The following SLC12A7 variants were observed in gnomAD, a reference collection of about 807,000 sequenced individuals.
The protein encoded by SLC12A7 is solute carrier family 12 member 7, also known as K-Cl cotransporter 4.
Under a neutral mutation model 120.6 loss-of-function variants are expected in SLC12A7, and 100 were observed. The observed-to-expected ratio is 0.83, with a 90% confidence interval of 0.71 to 0.98. The LOEUF is 0.98. Ranked by LOEUF, SLC12A7 falls within the 50% of genes least tolerant of loss-of-function variation. SLC12A7 has a pLI of 0.00. For missense variants in SLC12A7, 1,373 were observed against 1,548.1 expected (o/e 0.89, Z 1.90); for synonymous variants, 760 against 678.0 (o/e 1.12, Z -1.88).
rs865916173 is a variant in SLC12A7, at chr5:1,112,055, C to T, written c.-64G>A. The T allele has an allele frequency of 2.4e-5, 29 of 1,207,730 alleles. No homozygotes were observed. In the African/African-American group the frequency reaches 3.6e-4, roughly 15 times the overall value. 74.8% of individuals were successfully genotyped at this position (1,207,730 alleles called of 1,614,324 possible). A position where few individuals can be genotyped will look rare whatever the true frequency, so the allele number is the denominator to read the frequency against. ...CGCGCTGCGCCGCTCCCGCCGACGC[C>T]ACGGGACTTGGAGGCAGGGGCGGGG... On this transcript the variant is annotated 5_prime_UTR_variant, in exon 1 of 24. Transcript: ENST00000264930.
In SLC12A7 at chr5:1,078,009, T is replaced by TGCAGGCAG. The variant is rs200032397; in HGVS notation, c.1455-10_1455-3dup. Reference sequence around the variant, plus strand: ...TTCCCCTGCAGGGCCTCCCCGAACCTGCAGGCAGGCGGGCAGGCGGGCGGG... The same window carrying TGCAGGCAG: ...TTCCCCTGCAGGGCCTCCCCGAACCTGCAGGCAGGCAGGCAGGCGGGCAGGCGGGCGGG... On this transcript the variant is annotated splice_polypyrimidine_tract_variant and splice_region_variant and intron_variant, in intron 11 of 23. Coordinates refer to ENST00000264930, the MANE Select transcript of SLC12A7 (RefSeq NM_006598.3). The TGCAGGCAG allele has an allele frequency of 1.2e-5, 18 of 1,557,494 alleles. No homozygotes were observed. The highest frequency in any genetic ancestry group is 4.8e-5 in the East Asian group (2 of 41,586).
chr5:1,112,019 C>G lies in SLC12A7; in HGVS notation c.-28G>C, dbSNP rs747275138. The G allele has an allele frequency of 8.1e-7, 1 of 1,240,252 alleles. No homozygotes were observed. Among genetic ancestry groups the G allele is most frequent in the Non-Finnish European group, 1.0e-6 (1 of 988,766 alleles). 76.8% of individuals were successfully genotyped at this position (1,240,252 alleles called of 1,614,324 possible). The stretch of plus-strand genomic sequence containing the variant: ...CCGCCTGCAGCCGACAGTCCCCGTC[C>G]CGGCCCGGCCCGCGCTGCGCCGCTC... On this transcript the variant is annotated 5_prime_UTR_variant, in exon 1 of 24. Coordinates refer to ENST00000264930, the MANE Select transcript of SLC12A7 (RefSeq NM_006598.3).
At chr5:1,150,165 A>C in the SLC12A7 span, among the ~76,000 whole-genome samples, 1 of 152,234 alleles carries the variant, frequency 6.6e-6, no homozygotes, top group Non-Finnish European at 1.5e-5. Flanking sequence ...TGAACCCCTC[A>C]TCAGCTCTAT....
chr5:1,069,734 C>T (rs140701756), intron 17 of SLC12A7, among the ~76,000 whole-genome samples: 68 of 152,280 alleles, frequency 4.5e-4, no homozygotes, highest in Middle Eastern at 3.4e-3. Context: ...CGTGACGTGA[C>T]GTGACGTGAT....
At chr5:1,131,682 AC>A in the SLC12A7 span, among the ~76,000 whole-genome samples, 5 of 152,108 alleles carry the variant, frequency 3.3e-5, no homozygotes, top group African/African-American at 1.2e-4. Flanking sequence ...TGGGACTGAG[AC>A]CCTGAGTCAG....
At chr5:1,064,339 G>A (rs983947438) in intron 18 of SLC12A7, 87 bp from the exon 19 acceptor site, 59 of 1,464,388 alleles carry the variant, frequency 4.0e-5, no homozygotes, top group Middle Eastern at 2.4e-4. Context: ...GTGCAGGGGC[G>A]GGCACGGCGA....
At position 1,079,885 on chromosome 5, in the gene SLC12A7, C is replaced by T. The variant is rs1008485652; in HGVS notation, c.1298-389G>A. On this transcript the variant is annotated intron_variant, in intron 9 of 23. Transcript: ENST00000264930. ...GGACTTTGGGAATGAGATCCTAGAA[C>T]GACTCAGCCCAGCCAGCCAGGCCAG... Among the ~76,000 whole-genome samples, 7 of 152,344 alleles carry T rather than the reference C, an allele frequency of 4.6e-5. 1 individual carries two copies. In the South Asian group the frequency reaches 1.4e-3, roughly 32 times the overall value.
chr5:1,065,598 G>A (rs1736966585), intron 17 of SLC12A7, 120 bp from the exon 18 acceptor site: 1 of 775,214 alleles, frequency 1.3e-6, no homozygotes, highest in Non-Finnish European at 2.0e-6. Flanking sequence ...AGGAGGGAAG[G>A]CCCGAAGGCT....
At chr5:1,143,451 G>A in the SLC12A7 span, among the ~76,000 whole-genome samples, 26 of 152,132 alleles carry the variant, frequency 1.7e-4, no homozygotes, top group African/African-American at 6.3e-4. Flanking sequence ...CTGCACACAC[G>A]CATCCCTGGT....
intron 1 of SLC12A7, among the ~76,000 whole-genome samples, chr5:1,109,383 CT>C (rs1297343829): frequency 6.6e-6 from 1 of 152,234 alleles, no homozygotes; most frequent in Non-Finnish European, 1.5e-5. Flanking sequence ...GTCCTCCCAC[CT>C]CCTACTCTCA....
upstream of SLC12A7, among the ~76,000 whole-genome samples, chr5:1,113,598 C>T (rs372751970): frequency 2.6e-5 from 4 of 152,290 alleles, no homozygotes; most frequent in East Asian, 5.8e-4. Context: ...TCTCACCCCA[C>T]CTCCCACCAA....
At chr5:1,109,395 A>G (rs1237457670) in intron 1 of SLC12A7, among the ~76,000 whole-genome samples, 1 of 152,196 alleles carries the variant, frequency 6.6e-6, no homozygotes, top group African/African-American at 2.4e-5. Context: ...CCTACTCTCA[A>G]AAAACCACCC....
At chr5:1,057,177 GCTTGGCACTAGAAGGACCCCTCAGCA>G (rs1405685056) in intron 22 of SLC12A7, 19 of 370,804 alleles carry the variant, frequency 5.1e-5, no homozygotes, top group East Asian at 1.9e-4. Flanking sequence ...ACCCCTCAGC[GCTTGGCACTAGAAGGACCCCTCAGCA>G]CTTGGCACCC....
At chr5:1,076,332 C>T in intron 13 of SLC12A7, 96 bp from the exon 14 acceptor site, 1 of 973,980 alleles carries the variant, frequency 1.0e-6, no homozygotes, top group East Asian at 2.7e-5. Flanking sequence ...CTGTCCCTCC[C>T]ACCTGCGCCT....
At chr5:1,144,634 C>T in the SLC12A7 span, among the ~76,000 whole-genome samples, 1 of 152,222 alleles carries the variant, frequency 6.6e-6, no homozygotes, top group Admixed American at 6.5e-5. Context: ...CTCAAACCAG[C>T]GGACCGCACC....
chr5:1,136,507 G>C, the SLC12A7 span, among the ~76,000 whole-genome samples: 83 of 58,270 alleles, frequency 1.4e-3, no homozygotes, highest in Middle Eastern at 0.018. Context: ...CACACACGTG[G>C]TCAGACACCA....
intron 16 of SLC12A7, among the ~76,000 whole-genome samples, 187 bp downstream of exon 16, chr5:1,074,380 G>C (rs151115478): frequency 1.3e-3 from 192 of 152,282 alleles, no homozygotes; most frequent in African/African-American, 4.2e-3. Flanking sequence ...CCCCCACCCT[G>C]CAGCAGGGAC....
chr5:1,077,515 G>A (rs1204977002), intron 12 of SLC12A7, among the ~76,000 whole-genome samples: 1 of 152,210 alleles, frequency 6.6e-6, no homozygotes, highest in Non-Finnish European at 1.5e-5. Context: ...GAAAGATGTG[G>A]CAGGCAGGCA....
the SLC12A7 span, among the ~76,000 whole-genome samples, chr5:1,119,134 C>T: frequency 6.6e-6 from 1 of 152,244 alleles, no homozygotes; most frequent in East Asian, 1.9e-4. Flanking sequence ...GGGCCAGAGT[C>T]GCTTTTGCAG....
Sources: allele counts gnomAD v4.1 joint callset (sites outside exome capture counted in the v4.1 genomes callset), GRCh38; gene constraint gnomAD v4.1.1; transcripts MANE v1.5; gene names NCBI Gene and HGNC (gene_info 2026-07-23, HGNC 2026-07-21).